Variants in DNAH6 observed in about 807,000 individuals in gnomAD.
DNAH6 encodes the protein dynein axonemal heavy chain 6.
A neutral mutation model predicts 491.4 loss-of-function variants in DNAH6; 340 were observed. That is an observed-to-expected ratio of 0.69 (90% confidence interval 0.63 to 0.76). The LOEUF (loss-of-function observed/expected upper bound fraction) is 0.76. DNAH6 is among the 30% of genes least tolerant of loss of function. DNAH6 has a pLI of 0.00. For missense variants in DNAH6, 4,443 were observed against 4,972.2 expected, an observed-to-expected ratio of 0.89 and a Z score of 3.20; for synonymous variants, 1,603 against 1,686.1, an observed-to-expected ratio of 0.95 and a Z score of 1.21.
chr2:84,624,617 C>T lies in DNAH6; in HGVS notation c.4350C>T (p.Leu1450=). Reference sequence around the variant, plus strand: ...GCCCAAGATTGGTTATTACTCCACTCACAGTAAGTTATTGATCACTTGGGT... The same window carrying T: ...GCCCAAGATTGGTTATTACTCCACTTACAGTAAGTTATTGATCACTTGGGT... The part of the protein sequence containing the change: ...GACPRLVITP[L]TDRCYLCLMG... The change falls in exon 28 of 77, where the codon CTC becomes CTT. Residue 1450 remains leucine, a synonymous_variant. Transcript: ENST00000389394. 6.4e-7 allele frequency: 1 copy of T among 1,551,126 alleles called. No individual in the cohort carries two copies. Among genetic ancestry groups the T allele is most frequent in the Non-Finnish European group, 8.7e-7 (1 of 1,146,756 alleles).
Position 84,658,998 on chromosome 2 carries a change from T to C in DNAH6, c.5941-28T>C, listed in dbSNP as rs576663588. The C allele has an allele frequency of 2.9e-5, 37 of 1,280,112 alleles. No homozygotes were observed. The African/African-American group carries it at 5.2e-4, about 18-fold the overall frequency. 79.3% of individuals were successfully genotyped at this position (1,280,112 alleles called of 1,614,324 possible). A position where few individuals can be genotyped will look rare whatever the true frequency, so the allele number is the denominator to read the frequency against. On this transcript the variant is annotated intron_variant, in intron 36 of 76. Coordinates refer to ENST00000389394, the MANE Select transcript of DNAH6 (RefSeq NM_001370.2). Reference sequence around the variant, plus strand: ...TCTTTTTATGTTCATATATAAAATATTAAGTCTGTTTCTCTTTATTCTTTC... The same window carrying C: ...TCTTTTTATGTTCATATATAAAATACTAAGTCTGTTTCTCTTTATTCTTTC...
At chr2:84,656,427 G>A (rs185808059) in intron 35 of DNAH6, among the ~76,000 whole-genome samples, 3 of 152,180 alleles carry the variant, frequency 2.0e-5, no homozygotes, top group East Asian at 1.9e-4. Flanking sequence ...GAGAATTCCT[G>A]TTGTTCACAT....
intron 15 of DNAH6, among the ~76,000 whole-genome samples, chr2:84,587,744 T>A (rs1167972917): frequency 6.6e-6 from 1 of 152,198 alleles, no homozygotes; most frequent in Non-Finnish European, 1.5e-5. Flanking sequence ...TTTTTTCACC[T>A]ATGCCACCAT....
At chr2:84,651,273 A>C (rs537529009) in intron 33 of DNAH6, among the ~76,000 whole-genome samples, 1 of 152,126 alleles carries the variant, frequency 6.6e-6, no homozygotes, top group Non-Finnish European at 1.5e-5. Flanking sequence ...CAGGCTTCCC[A>C]TATGGTCTAC....
chr2:84,679,321 C>T (rs908181549), intron 41 of DNAH6, among the ~76,000 whole-genome samples: 3 of 152,056 alleles, frequency 2.0e-5, no homozygotes, highest in African/African-American at 2.4e-5. Context: ...CGATTTGCAC[C>T]GTTGGAATAT....
chr2:84,656,044 A>G (rs973029603), intron 35 of DNAH6, among the ~76,000 whole-genome samples: 1 of 152,084 alleles, frequency 6.6e-6, no homozygotes, highest in African/African-American at 2.4e-5. Context: ...ATACAGTTGA[A>G]ATCATATAGT....
rs555448114 is a variant in DNAH6, at chr2:84,694,348, C to T, written c.7392C>T (p.Cys2464=). Residue 2464 remains cysteine (C), a synonymous_variant, in exon 46 of 77, where the codon TGC becomes TGT. Transcript: ENST00000389394. The stretch of plus-strand genomic sequence containing the variant: ...TCACGAGACTTGCAGCTCATATATG[C>T]GGTTACAAATGTTTGCAGATTGAAC... ...QSLTRLAAHI[C]GYKCLQIELS... 3 of 1,552,354 alleles carry T rather than the reference C, an allele frequency of 1.9e-6. No homozygotes were observed. Among genetic ancestry groups the T allele is most frequent in the East Asian group, 2.4e-5 (1 of 40,930 alleles).
chr2:84,515,248 T>A (rs1675513852), upstream of DNAH6, among the ~76,000 whole-genome samples: 1 of 152,222 alleles, frequency 6.6e-6, no homozygotes, highest in Non-Finnish European at 1.5e-5. Flanking sequence ...ACATTTGAAG[T>A]TTTTCAGAAT....
chr2:84,801,058 G>T (rs1678847607), intron 70 of DNAH6, among the ~76,000 whole-genome samples: 1 of 133,804 alleles, frequency 7.5e-6, no homozygotes, highest in African/African-American at 2.8e-5. Flanking sequence ...AGATCACATG[G>T]ACACAGGAAG....
At position 84,549,887 on chromosome 2, in the gene DNAH6, A is replaced by T; in HGVS notation, c.1317-2A>T. On this transcript the variant is annotated splice_acceptor_variant, in intron 8 of 76. Transcript: ENST00000389394. LOFTEE classifies it high-confidence loss of function. ...ATTGTATTAGTTTTTTTTCTTTTCA[A>T]GCTTTATTCGTCTAAACGACTATCT... 6.3e-7 allele frequency: 1 copy of T among 1,577,200 alleles called. No individual in the cohort carries two copies. Among genetic ancestry groups the T allele is most frequent in the African/African-American group, 1.4e-5 (1 of 73,410 alleles).
Position 84,719,567 on chromosome 2 carries a change from G to A in DNAH6, c.9792+1183G>A, listed in dbSNP as rs536736944. On this transcript the variant is annotated intron_variant, in intron 59 of 76. Transcript: ENST00000389394. Reference sequence around the variant, plus strand: ...GCTCTGTCACCCAGGCTGGAGTGCAGTGGCATGATCATGACTCACCGCAGA... The same window carrying A: ...GCTCTGTCACCCAGGCTGGAGTGCAATGGCATGATCATGACTCACCGCAGA... 2.6e-5 allele frequency among the ~76,000 whole-genome samples: 4 copies of A among 152,078 alleles called. No homozygotes were observed. In the South Asian group the frequency reaches 8.3e-4, roughly 32 times the overall value.
intron 13 of DNAH6, among the ~76,000 whole-genome samples, chr2:84,577,681 C>T (rs1682596401): frequency 6.6e-6 from 1 of 151,976 alleles, no homozygotes; most frequent in Non-Finnish European, 1.5e-5. Flanking sequence ...TCAAGACCTG[C>T]AGAGAGGATA....
intron 63 of DNAH6, among the ~76,000 whole-genome samples, chr2:84,754,998 C>T (rs1464883477): frequency 6.6e-6 from 1 of 152,128 alleles, no homozygotes; most frequent in African/African-American, 2.4e-5. Flanking sequence ...AAGTTTTATA[C>T]TTCTTTTGTT....
intron 62 of DNAH6, among the ~76,000 whole-genome samples, chr2:84,739,835 A>G (rs1672342766): frequency 6.6e-6 from 1 of 152,046 alleles, no homozygotes; most frequent in Non-Finnish European, 1.5e-5. Flanking sequence ...CCTGGATCTC[A>G]TTGAGTTTCT....
intron 59 of DNAH6, among the ~76,000 whole-genome samples, chr2:84,721,573 C>T (rs1364724068): frequency 2.6e-5 from 4 of 152,152 alleles, no homozygotes; most frequent in Non-Finnish European, 4.4e-5. Flanking sequence ...CAACAGATTT[C>T]AAGGGCTAAA....
chr2:84,576,186 C>G lies in DNAH6; in HGVS notation c.1925-1071C>G, dbSNP rs1682428295. On this transcript the variant is annotated intron_variant, in intron 12 of 76. Transcript: ENST00000389394. ...TCATTTAACATCTTAATTTAGTCGG[C>G]TTTCAAAAATACACAAATCAAAACC... is the stretch of plus-strand genomic sequence containing the variant. 4.6e-5 allele frequency among the ~76,000 whole-genome samples: 7 copies of G among 152,270 alleles called. 1 individual carries two copies. The South Asian group carries it at 1.5e-3, about 32-fold the overall frequency.
At chr2:84,515,938 T>G (rs1340397828), upstream of DNAH6, among the ~76,000 whole-genome samples, 1 of 152,078 alleles carries the variant, frequency 6.6e-6, no homozygotes, top group Non-Finnish European at 1.5e-5. Context: ...GAAAAGGACA[T>G]TAGTTGGAAG....
intron 41 of DNAH6, among the ~76,000 whole-genome samples, chr2:84,680,749 T>C (rs889414721): frequency 6.7e-6 from 1 of 149,940 alleles, no homozygotes; most frequent in Non-Finnish European, 1.5e-5. Flanking sequence ...TAAAAAAGAG[T>C]AGGGGCCAGG....
chr2:84,654,417 C>G (rs936815781), intron 34 of DNAH6, among the ~76,000 whole-genome samples: 2 of 152,040 alleles, frequency 1.3e-5, no homozygotes, highest in Admixed American at 1.3e-4. Flanking sequence ...AAATAACTAG[C>G]CCTGCCCATA....
Sources: gnomAD v4.1 joint callset for allele counts (sites outside exome capture counted in the v4.1 genomes callset) on GRCh38, gnomAD v4.1.1 for gene constraint, MANE v1.5 for transcripts, NCBI Gene and HGNC (gene_info 2026-07-23, HGNC 2026-07-21) for gene names.